MAGI2: variants seen among roughly 807,000 people sequenced by gnomAD.
MAGI2 encodes membrane associated guanylate kinase, WW and PDZ domain containing 2, also known as membrane-associated guanylate kinase, WW and PDZ domain-containing protein 2.
A neutral mutation model predicts 133.3 loss-of-function variants in MAGI2; 35 were observed. That is an observed-to-expected ratio of 0.26 (90% CI 0.20 to 0.35). MAGI2 has a LOEUF of 0.35. MAGI2 is among the 10% of genes least tolerant of loss of function. MAGI2 has a pLI of 1.00. For missense variants in MAGI2, 1,636 were observed against 1,863.4 expected, an observed-to-expected ratio of 0.88 and a Z score of 2.25; for synonymous variants, 729 against 710.6, an observed-to-expected ratio of 1.03 and a Z score of -0.41.
intron 6 of MAGI2, among the ~76,000 whole-genome samples, chr7:78,460,728 G>A (rs1043366345): frequency 2.0e-5 from 3 of 152,186 alleles, no homozygotes; most frequent in African/African-American, 4.8e-5. Flanking sequence ...GTTAAATGGA[G>A]GTTGCTAGGT....
At chr7:78,911,216 T>G (rs1798373328) in intron 2 of MAGI2, among the ~76,000 whole-genome samples, 1 of 152,216 alleles carries the variant, frequency 6.6e-6, no homozygotes, top group Non-Finnish European at 1.5e-5. Context: ...AGAAAATTCT[T>G]TAACATTGAG....
At chr7:79,158,280 T>G (rs1585072954) in intron 1 of MAGI2, among the ~76,000 whole-genome samples, 1 of 152,196 alleles carries the variant, frequency 6.6e-6, no homozygotes. Flanking sequence ...ATGTGTTGTG[T>G]ACACAACGTT....
chr7:78,575,302 G>A (rs547800967), intron 3 of MAGI2, among the ~76,000 whole-genome samples: 23 of 149,874 alleles, frequency 1.5e-4, no homozygotes, highest in Non-Finnish European at 2.4e-4. Context: ...TGAAAGTAAC[G>A]GCAAAAACTA....
At chr7:78,218,917 C>G (rs1788530164) in intron 10 of MAGI2, among the ~76,000 whole-genome samples, 1 of 152,198 alleles carries the variant, frequency 6.6e-6, no homozygotes, top group Non-Finnish European at 1.5e-5. Flanking sequence ...TCATACCGAA[C>G]CTGGTGCTTC....
At chr7:79,176,567 T>A (rs1014104855) in intron 1 of MAGI2, among the ~76,000 whole-genome samples, 3 of 152,044 alleles carry the variant, frequency 2.0e-5, no homozygotes, top group African/African-American at 7.3e-5. Flanking sequence ...TGGATTTTAT[T>A]ATCATAAAAA....
At chr7:78,285,988 C>T (rs1324567848) in intron 9 of MAGI2, among the ~76,000 whole-genome samples, 1 of 152,074 alleles carries the variant, frequency 6.6e-6, no homozygotes, top group Non-Finnish European at 1.5e-5. Context: ...CCTAAATAAT[C>T]CTTATGTATC....
intron 1 of MAGI2, among the ~76,000 whole-genome samples, chr7:79,409,337 C>A (rs905925375): frequency 3.9e-5 from 6 of 151,996 alleles, no homozygotes; most frequent in African/African-American, 1.4e-4. Context: ...GTTGCCCAGG[C>A]TGGTCTTGAA....
intron 6 of MAGI2, among the ~76,000 whole-genome samples, chr7:78,441,628 A>G (rs996358704): frequency 4.1e-5 from 6 of 147,998 alleles, no homozygotes; most frequent in African/African-American, 1.5e-4. Flanking sequence ...CAGTCATGGA[A>G]TTCAGTTCTC....
At chr7:79,274,802 T>C (rs1219033471) in intron 1 of MAGI2, among the ~76,000 whole-genome samples, 2 of 152,154 alleles carry the variant, frequency 1.3e-5, no homozygotes, top group African/African-American at 2.4e-5. Flanking sequence ...CCACGTCACA[T>C]TTTAGTAATT....
chr7:79,133,622 T>C lies in MAGI2; in HGVS notation c.302-126416A>G, dbSNP rs185138950. Among the ~76,000 whole-genome samples, 429 of 152,304 alleles carry C rather than the reference T, an allele frequency of 2.8e-3. 1 individual carries two copies. The highest frequency in any genetic ancestry group is 4.6e-3 in the Non-Finnish European group (310 of 68,012). Reference sequence around the variant, plus strand: ...CAAATCATTGTCATTAGTAGTATTATTTTTCTAACTTTTAACTTATTTTAA... The same window carrying C: ...CAAATCATTGTCATTAGTAGTATTACTTTTCTAACTTTTAACTTATTTTAA... On this transcript the variant is annotated intron_variant, in intron 1 of 21. Transcript: ENST00000354212.
At chr7:78,896,193 T>C (rs1381783022) in intron 2 of MAGI2, among the ~76,000 whole-genome samples, 1 of 152,196 alleles carries the variant, frequency 6.6e-6, no homozygotes, top group Non-Finnish European at 1.5e-5. Flanking sequence ...TTCCTGCATT[T>C]CTTTGAGCAC....
chr7:78,651,735 T>C (rs1414276621), intron 2 of MAGI2, among the ~76,000 whole-genome samples: 1 of 152,148 alleles, frequency 6.6e-6, no homozygotes, highest in Non-Finnish European at 1.5e-5. Context: ...TTCAAGGTAA[T>C]GCTATAATTG....
chr7:78,404,758 G>A (rs1294947645), intron 6 of MAGI2, among the ~76,000 whole-genome samples: 2 of 152,074 alleles, frequency 1.3e-5, no homozygotes, highest in Non-Finnish European at 2.9e-5. Context: ...CACAGGCACG[G>A]GCAAGGACTT....
At chr7:78,826,100 C>A (rs1162915219) in intron 2 of MAGI2, among the ~76,000 whole-genome samples, 1 of 151,982 alleles carries the variant, frequency 6.6e-6, no homozygotes, top group African/African-American at 2.4e-5. Flanking sequence ...CACCTGTAAT[C>A]CCAGCACTTT....
intron 1 of MAGI2, among the ~76,000 whole-genome samples, chr7:79,440,663 T>C (rs1848437870): frequency 1.3e-5 from 2 of 152,204 alleles, no homozygotes; most frequent in Non-Finnish European, 2.9e-5. Flanking sequence ...TATTTTTCCA[T>C]TCCTATAATG....
intron 18 of MAGI2, among the ~76,000 whole-genome samples, chr7:78,131,302 G>A (rs1233121242): frequency 3.3e-5 from 5 of 152,152 alleles, no homozygotes; most frequent in Admixed American, 6.6e-5. Flanking sequence ...TCTTCCTTGC[G>A]TATATTTAAA....
At chr7:79,006,789 T>A (rs1562778527) in intron 2 of MAGI2, 1 of 235,980 alleles carries the variant, frequency 4.2e-6, no homozygotes, top group Non-Finnish European at 8.1e-6. Context: ...TCCATCATAA[T>A]TCATTCGGAA....
Position 78,495,100 on chromosome 7 carries a change from G to A in MAGI2, c.966-5260C>T, listed in dbSNP as rs144344148. ...GACAGTAGTAACAGATTGATGAATT[G>A]ACTTTACGTTTACAAAACACTTTTA... On this transcript the variant is annotated intron_variant, in intron 5 of 21. Coordinates refer to ENST00000354212, the MANE Select transcript of MAGI2 (RefSeq NM_012301.4). Among the ~76,000 whole-genome samples the A allele has an allele frequency of 1.1e-3, 174 of 152,242 alleles. 2 individuals are homozygous for A. Among genetic ancestry groups the A allele is most frequent in the African/African-American group, 3.9e-3 (160 of 41,554 alleles).
intron 6 of MAGI2, among the ~76,000 whole-genome samples, chr7:78,464,043 T>C (rs1038411901): frequency 6.6e-6 from 1 of 152,106 alleles, no homozygotes; most frequent in Admixed American, 6.6e-5. Flanking sequence ...CACATGTAAA[T>C]TGCTTATTGC....
Sources: allele counts gnomAD v4.1 joint callset (sites outside exome capture counted in the v4.1 genomes callset), GRCh38; gene constraint gnomAD v4.1.1; transcripts MANE v1.5; gene names NCBI Gene and HGNC (gene_info 2026-07-23, HGNC 2026-07-21).